The following ERMP1 variants were observed in gnomAD, a reference collection of about 807,000 sequenced individuals.
ERMP1 encodes endoplasmic reticulum metallopeptidase 1.
Under a neutral mutation model 92.0 loss-of-function variants are expected in ERMP1, and 86 were observed. That is an observed-to-expected ratio of 0.93 (90% CI 0.79 to 1.12). The LOEUF is 1.12. Ranked by LOEUF, ERMP1 falls within the 50% of genes most tolerant of loss-of-function variation. The pLI is 0.00. For synonymous variants in ERMP1, 530 were observed against 412.8 expected, an observed-to-expected ratio of 1.28 and a Z score of -3.44; for missense variants, 1,342 against 1,116.3, an observed-to-expected ratio of 1.20 and a Z score of -2.88.
intron 13 of ERMP1, chr9:5,791,263 C>T (rs1401271966): frequency 2.2e-6 from 1 of 456,896 alleles, no homozygotes; most frequent in Non-Finnish European, 4.4e-6. Context: ...AGTCCAAAAT[C>T]TGAAGGATAG....
chr9:5,853,405 C>G (rs1830333194), intron 6 of ERMP1, among the ~76,000 whole-genome samples: 1 of 152,176 alleles, frequency 6.6e-6, no homozygotes, highest in Non-Finnish European at 1.5e-5. Flanking sequence ...TAAATTCTCT[C>G]TTGTCCTGTT....
intron 5 of ERMP1, among the ~76,000 whole-genome samples, chr9:5,861,229 AG>A (rs1830485963): frequency 7.5e-6 from 1 of 133,124 alleles, no homozygotes; most frequent in South Asian, 2.7e-4. Flanking sequence ...GTAAAAGCTA[AG>A]AAAAAGTAAA....
chr9:5,827,500 C>A (rs992545877), intron 2 of ERMP1, among the ~76,000 whole-genome samples: 2 of 152,204 alleles, frequency 1.3e-5, no homozygotes, highest in Non-Finnish European at 2.9e-5. Flanking sequence ...CTATTTTTAA[C>A]AATTTATTAT....
chr9:5,837,516 T>C (rs1456934026), upstream of ERMP1, among the ~76,000 whole-genome samples: 1 of 152,128 alleles, frequency 6.6e-6, no homozygotes, highest in African/African-American at 2.4e-5. Flanking sequence ...AAATCACATA[T>C]TGGCTACACA....
chr9:5,864,800 G>T (rs1352980286), intron 5 of ERMP1, among the ~76,000 whole-genome samples: 2 of 152,180 alleles, frequency 1.3e-5, no homozygotes, highest in Non-Finnish European at 2.9e-5. Context: ...GAGGTGTCTT[G>T]CAGAGTTCTT....
intron 6 of ERMP1, among the ~76,000 whole-genome samples, chr9:5,844,208 G>C (rs372702688): frequency 1.1e-4 from 17 of 152,278 alleles, no homozygotes; most frequent in African/African-American, 3.4e-4. Context: ...TTTCTGCCCA[G>C]ACTCAGATGT....
chr9:5,838,378 C>G (rs1216173039), intron 6 of ERMP1, among the ~76,000 whole-genome samples: 1 of 151,798 alleles, frequency 6.6e-6, no homozygotes, highest in African/African-American at 2.4e-5. Flanking sequence ...CCCATCTCTA[C>G]AAAAAATACC....
intron 6 of ERMP1, among the ~76,000 whole-genome samples, chr9:5,853,625 TAGAG>T (rs762444988): frequency 1.3e-5 from 2 of 151,918 alleles, no homozygotes; most frequent in Non-Finnish European, 2.9e-5. Flanking sequence ...AGATGGGAGT[TAGAG>T]AGCCTGGCAA....
intron 13 of ERMP1, among the ~76,000 whole-genome samples, chr9:5,792,591 T>C (rs1009340522): frequency 5.3e-5 from 8 of 152,144 alleles, no homozygotes; most frequent in African/African-American, 1.9e-4. Context: ...ACTTAAACTT[T>C]AGGGCAAGAA....
At chr9:5,811,060 G>A (rs1296474656) in intron 7 of ERMP1, 51 bp downstream of exon 7, 2 of 1,289,662 alleles carry the variant, frequency 1.6e-6, no homozygotes, top group African/African-American at 1.5e-5. Context: ...AAAACTTCAA[G>A]CACATTCTAC....
intron 5 of ERMP1, among the ~76,000 whole-genome samples, chr9:5,861,624 T>G (rs867166849): frequency 6.7e-6 from 1 of 150,192 alleles, no homozygotes; most frequent in Non-Finnish European, 1.5e-5. Flanking sequence ...GAGACGGAGA[T>G]GGAAAGTACT....
chr9:5,814,172 C>T (rs1198359920), intron 4 of ERMP1, among the ~76,000 whole-genome samples: 1 of 152,176 alleles, frequency 6.6e-6, no homozygotes, highest in East Asian at 1.9e-4. Flanking sequence ...CAATACATCC[C>T]TTATAGGGGC....
intron 6 of ERMP1, among the ~76,000 whole-genome samples, chr9:5,843,908 G>C (rs752715213): frequency 9.9e-5 from 15 of 152,214 alleles, no homozygotes; most frequent in Admixed American, 3.9e-4. Context: ...TGTGTGTCCT[G>C]GGGGGAGGAA....
chr9:5,810,133 A>T lies in ERMP1; in HGVS notation c.1426T>A (p.Ser476Thr). 6.2e-7 allele frequency: 1 copy of T among 1,613,972 alleles called. No individual in the cohort carries two copies. Among genetic ancestry groups the T allele is most frequent in the Non-Finnish European group, 8.5e-7 (1 of 1,179,834 alleles). Residue 476 changes from serine (S) to threonine (T), a missense_variant, in exon 8 of 15, where the codon TCT (serine) becomes ACT (threonine). By Grantham distance (58) the Ser-to-Thr change is moderately conservative. Transcript: ENST00000339450. ...VTVLIIAVFI[S>T]LIGQSLSWYN... Reference sequence around the variant, plus strand: ...CATGAGAGAGACTGTCCAATAAGAGAGATGAACACTGCTATAATGAGAACG... The same window carrying T: ...CATGAGAGAGACTGTCCAATAAGAGTGATGAACACTGCTATAATGAGAACG...
intron 6 of ERMP1, among the ~76,000 whole-genome samples, chr9:5,840,252 A>AAGAG (rs371134729): frequency 6.6e-6 from 1 of 151,828 alleles, no homozygotes; most frequent in Non-Finnish European, 1.5e-5. Context: ...AAAAGAAAGA[A>AAGAG]AGAGAGAGAG....
intron 13 of ERMP1, among the ~76,000 whole-genome samples, chr9:5,788,928 T>A (rs1052433025): frequency 6.6e-5 from 10 of 151,906 alleles, no homozygotes; most frequent in Non-Finnish European, 1.3e-4. Flanking sequence ...CAGAATAGAT[T>A]CAAAGGAAAA....
At chr9:5,834,437 G>C (rs1830057313), upstream of ERMP1, among the ~76,000 whole-genome samples, 1 of 152,152 alleles carries the variant, frequency 6.6e-6, no homozygotes, top group African/African-American at 2.4e-5. Context: ...AATCAGGTCT[G>C]GTTTTACTCA....
intron 6 of ERMP1, among the ~76,000 whole-genome samples, chr9:5,854,154 G>C (rs1252857898): frequency 6.6e-6 from 1 of 151,986 alleles, no homozygotes; most frequent in Admixed American, 6.6e-5. Flanking sequence ...TGCTGTGGGT[G>C]AAGTTTTACT....
rs146828760 is a variant in ERMP1 at position 5,823,817 on chromosome 9, T to C, written c.874+79A>G. On this transcript the variant is annotated intron_variant, in intron 4 of 14. Coordinates refer to ENST00000339450, the MANE Select transcript of ERMP1 (RefSeq NM_024896.3). ...CATTCAAGAGACTGTTTATTGAAGATATTATTTATAATCAAAAACTTTCTA... is the reference window on the plus strand; with the variant it reads ...CATTCAAGAGACTGTTTATTGAAGACATTATTTATAATCAAAAACTTTCTA... 257 of 916,774 alleles carry C rather than the reference T, an allele frequency of 2.8e-4. No homozygotes were observed. The African/African-American group carries it at 3.7e-3, about 13-fold the overall frequency. The allele number at this position is 916,774 out of a possible 1,614,324, so 56.8% of individuals were successfully genotyped here.
Sources: allele counts gnomAD v4.1 joint callset (sites outside exome capture counted in the v4.1 genomes callset), GRCh38; gene constraint gnomAD v4.1.1; transcripts MANE v1.5; gene names NCBI Gene and HGNC (gene_info 2026-07-23, HGNC 2026-07-21).